FRMD4A: variants seen among roughly 807,000 people sequenced by gnomAD.
FRMD4A encodes FERM domain containing 4A, also known as FERM domain-containing protein 4A.
FRMD4A carries 29 observed loss-of-function variants against 129.1 expected under a neutral mutation model. The observed-to-expected ratio is 0.22, with a 90% confidence interval of 0.17 to 0.31. The LOEUF (loss-of-function observed/expected upper bound fraction) is 0.31, where lower values mean the gene tolerates loss of function less well. Ranked by LOEUF, FRMD4A falls within the 10% of genes least tolerant of loss-of-function variation. FRMD4A has a pLI of 1.00. For missense variants in FRMD4A, 1,272 were observed against 1,375.8 expected (o/e 0.92, Z 1.19); for synonymous variants, 634 against 571.6 (o/e 1.11, Z -1.56).
intron 2 of FRMD4A, among the ~76,000 whole-genome samples, chr10:14,146,865 G>C (rs1440825981): frequency 6.6e-6 from 1 of 152,180 alleles, no homozygotes; most frequent in Non-Finnish European, 1.5e-5. Context: ...AGTTCTGCAC[G>C]TAATCAGTTG....
At chr10:14,120,928 T>C (rs918880612) in intron 2 of FRMD4A, among the ~76,000 whole-genome samples, 10 of 152,172 alleles carry the variant, frequency 6.6e-5, no homozygotes, top group African/African-American at 2.4e-4. Flanking sequence ...GCAGCTTTGC[T>C]CTCCTCCCTG....
intron 2 of FRMD4A, among the ~76,000 whole-genome samples, chr10:14,072,853 G>A (rs565479888): frequency 6.7e-4 from 102 of 152,210 alleles, no homozygotes; most frequent in African/African-American, 2.3e-3. Flanking sequence ...ACGTGCTTCC[G>A]GAAAATAGCT....
At chr10:13,687,916 T>C (rs1294859651) in intron 15 of FRMD4A, among the ~76,000 whole-genome samples, 1 of 152,206 alleles carries the variant, frequency 6.6e-6, no homozygotes, top group Non-Finnish European at 1.5e-5. Context: ...CTTACAGCTC[T>C]GATTCAGATG....
At chr10:13,890,866 A>G (rs2094687471) in intron 2 of FRMD4A, 2 of 985,046 alleles carry the variant, frequency 2.0e-6, no homozygotes, top group Admixed American at 1.2e-4. Context: ...TTATTAGCAC[A>G]GCCATCCCTT....
At chr10:13,916,389 A>G (rs1279498556) in intron 2 of FRMD4A, among the ~76,000 whole-genome samples, 1 of 152,140 alleles carries the variant, frequency 6.6e-6, no homozygotes, top group Non-Finnish European at 1.5e-5. Context: ...AGCCCTGCCC[A>G]TTCCCCTTCT....
At chr10:14,128,779 T>C (rs890963853) in intron 2 of FRMD4A, among the ~76,000 whole-genome samples, 1 of 152,172 alleles carries the variant, frequency 6.6e-6, no homozygotes, top group Non-Finnish European at 1.5e-5. Context: ...ATTATCATCA[T>C]CACTGTCAGA....
chr10:13,770,642 C>T (rs761447342), intron 6 of FRMD4A, among the ~76,000 whole-genome samples: 7 of 151,998 alleles, frequency 4.6e-5, no homozygotes, highest in African/African-American at 7.3e-5. Context: ...GGGGGTCTCA[C>T]TATGTTTCTC....
At position 14,330,162 on chromosome 10, in the gene FRMD4A, G is replaced by A. The variant is rs1429749782; in HGVS notation, c.-60C>T. The A allele has an allele frequency of 2.6e-6, 4 of 1,519,400 alleles. No homozygotes were observed. The highest frequency in any genetic ancestry group is 3.6e-6 in the Non-Finnish European group (4 of 1,119,684). 94.1% of individuals were successfully genotyped at this position (1,519,400 alleles called of 1,614,324 possible). Reference sequence around the variant, plus strand: ...AGTCAGTCCTCCTGGGCCCCGGGTGGCTACAGAGCATCCAAAAGCACCTGC... The same window carrying A: ...AGTCAGTCCTCCTGGGCCCCGGGTGACTACAGAGCATCCAAAAGCACCTGC... On this transcript the variant is annotated 5_prime_UTR_variant, in exon 2 of 25. Transcript: ENST00000357447.
At chr10:13,667,132 G>C (rs887865093) in intron 17 of FRMD4A, among the ~76,000 whole-genome samples, 2 of 152,072 alleles carry the variant, frequency 1.3e-5, no homozygotes, top group Admixed American at 6.5e-5. Context: ...GGCTGGTCTC[G>C]AACTCCTGAC....
chr10:13,960,493 A>G (rs1234404185), intron 2 of FRMD4A, among the ~76,000 whole-genome samples: 1 of 152,144 alleles, frequency 6.6e-6, no homozygotes, highest in Non-Finnish European at 1.5e-5. Context: ...TAAGTACTTT[A>G]TATATATAGT....
At chr10:13,878,224 A>G (rs76634249) in intron 2 of FRMD4A, among the ~76,000 whole-genome samples, 1 of 128,468 alleles carries the variant, frequency 7.8e-6, no homozygotes, top group Admixed American at 7.6e-5. Flanking sequence ...ACTTGTAGCA[A>G]AAAAAAAAAA....
At chr10:13,834,267 A>AAAC (rs199639328) in intron 3 of FRMD4A, among the ~76,000 whole-genome samples, 3 of 152,062 alleles carry the variant, frequency 2.0e-5, no homozygotes, top group African/African-American at 4.8e-5. Context: ...CCATCTCAGA[A>AAAC]AACAACAACA....
intron 2 of FRMD4A, among the ~76,000 whole-genome samples, chr10:14,030,184 G>A (rs1599944): frequency 0.18 from 27,688 of 152,162 alleles, 3,835 homozygotes; most frequent in African/African-American, 0.39. Context: ...CCAATGCACA[G>A]CGATGTGACT....
chr10:14,205,313 G>C (rs1372479597), intron 2 of FRMD4A, among the ~76,000 whole-genome samples: 1 of 152,114 alleles, frequency 6.6e-6, no homozygotes, highest in African/African-American at 2.4e-5. Flanking sequence ...CAACACAGAT[G>C]CAGAACATGT....
At chr10:13,977,935 CAAT>C (rs1368699970) in intron 2 of FRMD4A, among the ~76,000 whole-genome samples, 8 of 152,198 alleles carry the variant, frequency 5.3e-5, no homozygotes, top group Non-Finnish European at 1.0e-4. Context: ...TGGCTACTAT[CAAT>C]GATGCTGCTA....
At chr10:14,096,419 T>G (rs1836964125) in intron 2 of FRMD4A, among the ~76,000 whole-genome samples, 1 of 152,236 alleles carries the variant, frequency 6.6e-6, no homozygotes. Context: ...CCTGCTGAAT[T>G]GACTTCTTTC....
At chr10:14,128,667 A>G (rs959366657) in intron 2 of FRMD4A, among the ~76,000 whole-genome samples, 27 of 152,326 alleles carry the variant, frequency 1.8e-4, no homozygotes, top group African/African-American at 5.3e-4. Flanking sequence ...ATGTTACTGC[A>G]GGCAAGACTC....
intron 14 of FRMD4A, among the ~76,000 whole-genome samples, chr10:13,698,397 T>C (rs776973746): frequency 1.2e-4 from 19 of 152,074 alleles, no homozygotes; most frequent in Admixed American, 6.6e-5. Context: ...GTTATGAAGC[T>C]CTCTGTCCCA....
chr10:14,184,125 C>CTTTTTT (rs58858936), intron 2 of FRMD4A, among the ~76,000 whole-genome samples: 20 of 64,640 alleles, frequency 3.1e-4, no homozygotes, highest in Non-Finnish European at 4.5e-4. Context: ...CTTTTCTTTT[C>CTTTTTT]TTTTTTTTTT....
Sources: gnomAD v4.1 joint callset for allele counts (sites outside exome capture counted in the v4.1 genomes callset) on GRCh38, gnomAD v4.1.1 for gene constraint, MANE v1.5 for transcripts, NCBI Gene and HGNC (gene_info 2026-07-23, HGNC 2026-07-21) for gene names.